NRXN3: variants seen among roughly 807,000 people sequenced by gnomAD.
The protein encoded by NRXN3 is neurexin 3, also known as neurexin III.
A neutral mutation model predicts 137.6 loss-of-function variants in NRXN3; 32 were observed. That is an observed-to-expected ratio of 0.23 (90% CI 0.18 to 0.31). The LOEUF is 0.31. Ranked by LOEUF, NRXN3 falls within the 10% of genes least tolerant of loss-of-function variation. NRXN3 has a pLI of 1.00. For synonymous variants in NRXN3, 798 were observed against 784.5 expected, an observed-to-expected ratio of 1.02 and a Z score of -0.29; for missense variants, 1,574 against 2,062.5, an observed-to-expected ratio of 0.76 and a Z score of 4.59.
intron 4 of NRXN3, among the ~76,000 whole-genome samples, chr14:78,614,634 G>A (rs1308225505): frequency 1.3e-5 from 2 of 151,628 alleles, no homozygotes; most frequent in African/African-American, 4.8e-5. Flanking sequence ...TTTCAAATAA[G>A]ATTTTGCTAT....
intron 15 of NRXN3, among the ~76,000 whole-genome samples, chr14:79,013,614 A>T (rs1475701440): frequency 6.6e-6 from 1 of 152,078 alleles, no homozygotes; most frequent in African/African-American, 2.4e-5. Context: ...TCTTTATTAG[A>T]CTGACTTTGC....
At chr14:78,735,877 T>C (rs1443041484) in intron 8 of NRXN3, among the ~76,000 whole-genome samples, 1 of 152,136 alleles carries the variant, frequency 6.6e-6, no homozygotes, top group Non-Finnish European at 1.5e-5. Context: ...GAAAACACAG[T>C]CTAGAGAGGG....
At chr14:78,665,602 G>A (rs1295510784) in intron 6 of NRXN3, among the ~76,000 whole-genome samples, 1 of 152,176 alleles carries the variant, frequency 6.6e-6, no homozygotes, top group Non-Finnish European at 1.5e-5. Context: ...CCAGGAGCCT[G>A]AGTGGTCAGG....
intron 8 of NRXN3, among the ~76,000 whole-genome samples, chr14:78,749,352 A>G (rs1482255683): frequency 1.3e-5 from 2 of 152,188 alleles, no homozygotes; most frequent in African/African-American, 4.8e-5. Context: ...TACCACTATT[A>G]TTAAGAAAAG....
chr14:79,772,772 C>G (rs1179742102), intron 19 of NRXN3, among the ~76,000 whole-genome samples: 2 of 152,000 alleles, frequency 1.3e-5, no homozygotes, highest in Non-Finnish European at 2.9e-5. Flanking sequence ...CCAAAATTGA[C>G]AAATGGGATC....
chr14:78,492,902 C>G (rs2095695590), intron 4 of NRXN3, among the ~76,000 whole-genome samples: 1 of 152,192 alleles, frequency 6.6e-6, no homozygotes, highest in Non-Finnish European at 1.5e-5. Flanking sequence ...GTAAGCATAG[C>G]TTTGCCAAGT....
chr14:78,865,791 G>A (rs1047162732), intron 10 of NRXN3, among the ~76,000 whole-genome samples: 20 of 152,084 alleles, frequency 1.3e-4, no homozygotes, highest in Non-Finnish European at 2.5e-4. Context: ...GACAGATAAG[G>A]CAGTCAGTAT....
intron 16 of NRXN3, among the ~76,000 whole-genome samples, chr14:79,604,929 G>A (rs982798812): frequency 7.2e-5 from 11 of 152,172 alleles, no homozygotes; most frequent in African/African-American, 2.4e-4. Context: ...CTACTCAAGA[G>A]GCTGAGGCAG....
At position 78,278,079 on chromosome 14, in the gene NRXN3, G is replaced by A. The variant is rs554529168; in HGVS notation, c.710-566G>A. ...TCACTGGGTGTACTGGGGAGGCGGG[G>A]AATTGTAAATATTTTGTGACCTTAT... On this transcript the variant is annotated intron_variant, in intron 2 of 20. Coordinates refer to ENST00000335750, the MANE Select transcript of NRXN3 (RefSeq NM_001330195.2). 2.4e-3 allele frequency among the ~76,000 whole-genome samples: 370 copies of A among 152,300 alleles called. 2 individuals carry two copies. The highest frequency in any genetic ancestry group is 3.1e-3 in the Non-Finnish European group (210 of 68,038).
intron 20 of NRXN3, among the ~76,000 whole-genome samples, chr14:79,808,798 A>T (rs1358271860): frequency 6.6e-6 from 1 of 152,158 alleles, no homozygotes; most frequent in East Asian, 1.9e-4. Context: ...AAATGAAATA[A>T]TTTATTTTTT....
chr14:79,851,488 T>C (rs892507098), intron 20 of NRXN3, among the ~76,000 whole-genome samples: 1 of 152,116 alleles, frequency 6.6e-6, no homozygotes, highest in Non-Finnish European at 1.5e-5. Context: ...CACATTGCTA[T>C]AATTATTTTA....
chr14:78,283,071 G>C (rs950687764), intron 3 of NRXN3: 1 of 152,198 alleles, frequency 6.6e-6, no homozygotes, highest in African/African-American at 2.4e-5. Context: ...GGTTCACCTT[G>C]CGAAAGCCCT....
intron 2 of NRXN3, among the ~76,000 whole-genome samples, chr14:78,272,577 A>G (rs1008974347): frequency 6.6e-6 from 1 of 152,156 alleles, no homozygotes; most frequent in Non-Finnish European, 1.5e-5. Flanking sequence ...GCTCAGGCCT[A>G]CGGCATTACT....
At chr14:78,671,000 GA>G (rs1325492283) in intron 6 of NRXN3, among the ~76,000 whole-genome samples, 1 of 152,150 alleles carries the variant, frequency 6.6e-6, no homozygotes, top group Non-Finnish European at 1.5e-5. Flanking sequence ...TAAATTAATT[GA>G]AATTGATGAG....
At chr14:78,461,382 T>A (rs950745629) in intron 4 of NRXN3, among the ~76,000 whole-genome samples, 5 of 152,164 alleles carry the variant, frequency 3.3e-5, no homozygotes, top group Non-Finnish European at 5.9e-5. Flanking sequence ...GCTCTGAGTG[T>A]CTTGGTGTCT....
chr14:78,356,514 T>C (rs1162931560), intron 4 of NRXN3, among the ~76,000 whole-genome samples: 2 of 152,198 alleles, frequency 1.3e-5, no homozygotes, highest in Non-Finnish European at 2.9e-5. Context: ...ATTCTCTGCT[T>C]TTGCATTCAC....
intron 15 of NRXN3, among the ~76,000 whole-genome samples, chr14:79,340,854 C>A (rs6574505): frequency 0.34 from 52,001 of 151,982 alleles, 9,263 homozygotes; most frequent in South Asian, 0.46. Context: ...GGCAGTTGGA[C>A]GATATCTTAT....
chr14:79,020,028 C>T (rs2099586038), intron 15 of NRXN3, among the ~76,000 whole-genome samples: 2 of 152,014 alleles, frequency 1.3e-5, no homozygotes, highest in African/African-American at 2.4e-5. Flanking sequence ...ATGGTTTGGT[C>T]TTAAGAAAAG....
chr14:78,301,234 G>T (rs2076848965), intron 4 of NRXN3, among the ~76,000 whole-genome samples: 1 of 152,084 alleles, frequency 6.6e-6, no homozygotes, highest in South Asian at 2.1e-4. Context: ...TTCTGATGGG[G>T]TGATGGGTTC....
Sources: allele counts gnomAD v4.1 joint callset (sites outside exome capture counted in the v4.1 genomes callset), GRCh38; gene constraint gnomAD v4.1.1; transcripts MANE v1.5; gene names NCBI Gene and HGNC (gene_info 2026-07-23, HGNC 2026-07-21).